CDK14: variants seen among roughly 807,000 people sequenced by gnomAD.
CDK14 encodes cyclin-dependent kinase 14.
A neutral mutation model predicts 60.7 loss-of-function variants in CDK14; 34 were observed. That is an observed-to-expected ratio of 0.56 (90% CI 0.43 to 0.75). The LOEUF is 0.75. Among genes scored for constraint, CDK14 ranks in the 30% least tolerant of loss-of-function variants. CDK14 has a pLI of 0.00. For missense variants in CDK14, 482 were observed against 564.1 expected, an observed-to-expected ratio of 0.85 and a Z score of 1.47; for synonymous variants, 197 against 203.7, an observed-to-expected ratio of 0.97 and a Z score of 0.28.
chr7:90,742,082 G>T (rs1803370318), intron 3 of CDK14, among the ~76,000 whole-genome samples: 1 of 151,948 alleles, frequency 6.6e-6, no homozygotes, highest in Non-Finnish European at 1.5e-5. Flanking sequence ...TCCTACGTTT[G>T]TGATACTTGG....
At chr7:90,724,157 G>A (rs1802549893) in intron 2 of CDK14, among the ~76,000 whole-genome samples, 1 of 151,492 alleles carries the variant, frequency 6.6e-6, no homozygotes, top group African/African-American at 2.4e-5. Context: ...TTTTAACTGA[G>A]TGAGCTTTGG....
At chr7:90,983,261 TCAC>T (rs1420813158) in intron 9 of CDK14, among the ~76,000 whole-genome samples, 1 of 152,180 alleles carries the variant, frequency 6.6e-6, no homozygotes, top group Non-Finnish European at 1.5e-5. Flanking sequence ...ACTCACGTAT[TCAC>T]CACAGCACTA....
intron 10 of CDK14, among the ~76,000 whole-genome samples, chr7:91,010,567 G>A (rs1427073643): frequency 6.6e-6 from 1 of 151,878 alleles, no homozygotes; most frequent in African/African-American, 2.4e-5. Flanking sequence ...ATATAAAAAT[G>A]AAATTGGTTT....
At chr7:90,605,349 T>C (rs1799396190) in intron 2 of CDK14, among the ~76,000 whole-genome samples, 1 of 152,238 alleles carries the variant, frequency 6.6e-6, no homozygotes, top group South Asian at 2.1e-4. Flanking sequence ...TACAAAGCTG[T>C]GTGTCCCTGG....
chr7:91,117,143 GC>G (rs1175585246), intron 13 of CDK14, among the ~76,000 whole-genome samples: 7 of 147,838 alleles, frequency 4.7e-5, no homozygotes, highest in African/African-American at 1.5e-4. Flanking sequence ...CCTCAAACTT[GC>G]GCCTTCTCTA....
chr7:91,077,928 T>C (rs1304940736), intron 11 of CDK14, among the ~76,000 whole-genome samples: 1 of 152,112 alleles, frequency 6.6e-6, no homozygotes, highest in Non-Finnish European at 1.5e-5. Flanking sequence ...GAAATGTAAA[T>C]GGCCAGAAAG....
chr7:91,156,642 T>TA (rs1361830683), intron 14 of CDK14, among the ~76,000 whole-genome samples: 1 of 152,226 alleles, frequency 6.6e-6, no homozygotes, highest in Non-Finnish European at 1.5e-5. Flanking sequence ...TGCCATCGTT[T>TA]ATTTATTCAT....
Position 91,094,152 on chromosome 7 carries a change from G to T in CDK14, c.1154+14672G>T, listed in dbSNP as rs549194838. Among the ~76,000 whole-genome samples, 3 of 152,134 alleles carry T rather than the reference G, an allele frequency of 2.0e-5. No individual in the cohort carries two copies. In the East Asian group the frequency reaches 5.8e-4, roughly 29 times the overall value. ...ATTTACCCATGTAACAAACCTGCAC[G>T]TGTACCCCCTGCACCTAAAATAAAT... On this transcript the variant is annotated intron_variant, in intron 12 of 14. Transcript: ENST00000380050.
At chr7:90,799,084 T>C (rs1562775053) in intron 5 of CDK14, among the ~76,000 whole-genome samples, 1 of 152,234 alleles carries the variant, frequency 6.6e-6, no homozygotes, top group Non-Finnish European at 1.5e-5. Context: ...AAGATTTTCT[T>C]AGACAGGCAT....
At chr7:90,935,452 C>T (rs1793719970) in intron 8 of CDK14, among the ~76,000 whole-genome samples, 1 of 152,222 alleles carries the variant, frequency 6.6e-6, no homozygotes, top group East Asian at 1.9e-4. Context: ...TATATCTTTA[C>T]ATTATACAAA....
intron 5 of CDK14, among the ~76,000 whole-genome samples, chr7:90,815,047 A>T (rs1354753694): frequency 6.6e-6 from 1 of 151,830 alleles, no homozygotes; most frequent in Non-Finnish European, 1.5e-5. Flanking sequence ...CTTTTTGTTC[A>T]TTTTTGTTGT....
chr7:90,899,430 C>A, intron 7 of CDK14, 77 bp downstream of exon 7: 3 of 1,087,350 alleles, frequency 2.8e-6, no homozygotes, highest in South Asian at 1.9e-5. Context: ...GCATCTCTAC[C>A]ATAACATATT....
At chr7:90,653,483 T>C (rs1800689702) in intron 2 of CDK14, among the ~76,000 whole-genome samples, 1 of 151,882 alleles carries the variant, frequency 6.6e-6, no homozygotes, top group African/African-American at 2.4e-5. Context: ...CTCTGGATCC[T>C]AGGAACCACT....
intron 6 of CDK14, among the ~76,000 whole-genome samples, chr7:90,892,453 A>G (rs1056309205): frequency 2.2e-4 from 34 of 152,240 alleles, no homozygotes; most frequent in Admixed American, 2.1e-3. Flanking sequence ...ACTGCAGTTA[A>G]CTGAGACTCA....
At chr7:90,643,710 T>C (rs1800397706) in intron 2 of CDK14, among the ~76,000 whole-genome samples, 1 of 152,234 alleles carries the variant, frequency 6.6e-6, no homozygotes, top group Non-Finnish European at 1.5e-5. Flanking sequence ...TTCTCTTTAT[T>C]TACTGTCTTC....
chr7:90,731,314 T>C (rs913019584), intron 3 of CDK14, among the ~76,000 whole-genome samples: 1 of 152,228 alleles, frequency 6.6e-6, no homozygotes, highest in Non-Finnish European at 1.5e-5. Flanking sequence ...TCTTTTTGTT[T>C]AGGATTGTCT....
intron 2 of CDK14, among the ~76,000 whole-genome samples, chr7:90,676,795 C>T (rs1313429252): frequency 1.3e-5 from 2 of 152,096 alleles, no homozygotes; most frequent in African/African-American, 2.4e-5. Flanking sequence ...CTTGGCCTCC[C>T]AAAATGCTGG....
intron 11 of CDK14, among the ~76,000 whole-genome samples, chr7:91,062,600 G>T (rs1040541740): frequency 3.3e-5 from 5 of 152,242 alleles, no homozygotes; most frequent in South Asian, 4.2e-4. Context: ...AATTTTAAGT[G>T]TCACATAGCT....
At chr7:90,882,347 A>G (rs1791788573) in intron 6 of CDK14, among the ~76,000 whole-genome samples, 1 of 152,092 alleles carries the variant, frequency 6.6e-6, no homozygotes. Context: ...AAGACAAAGA[A>G]GAGCATTACA....
Sources: allele counts gnomAD v4.1 joint callset (sites outside exome capture counted in the v4.1 genomes callset), GRCh38; gene constraint gnomAD v4.1.1; transcripts MANE v1.5; gene names NCBI Gene and HGNC (gene_info 2026-07-23, HGNC 2026-07-21).